Variants in NDST4 observed in about 807,000 individuals in gnomAD.
NDST4 encodes N-deacetylase and N-sulfotransferase 4.
Under a neutral mutation model 100.8 loss-of-function variants are expected in NDST4, and 63 were observed. The ratio of observed to expected loss-of-function variants is 0.62; its 90% CI spans 0.51 to 0.77. The LOEUF (loss-of-function observed/expected upper bound fraction) is 0.77. Ranked by LOEUF, NDST4 falls within the 30% of genes least tolerant of loss-of-function variation. NDST4 has a pLI of 0.00. For missense variants in NDST4, 943 were observed against 1,018.4 expected (o/e 0.93, Z 1.01); for synonymous variants, 377 against 361.8 (o/e 1.04, Z -0.48).
At chr4:114,889,864 G>C (rs991131447) in intron 6 of NDST4, among the ~76,000 whole-genome samples, 1 of 152,052 alleles carries the variant, frequency 6.6e-6, no homozygotes, top group Admixed American at 6.6e-5. Flanking sequence ...GTAAACTGGG[G>C]AAAATGATAC....
At chr4:114,872,545 CAA>C (rs1258200332) in intron 6 of NDST4, among the ~76,000 whole-genome samples, 4 of 151,848 alleles carry the variant, frequency 2.6e-5, no homozygotes, top group Non-Finnish European at 4.4e-5. Flanking sequence ...TTAAAATGAT[CAA>C]AGTCACACCT....
At chr4:114,830,137 T>A (rs1474485572) in intron 12 of NDST4, among the ~76,000 whole-genome samples, 1 of 152,186 alleles carries the variant, frequency 6.6e-6, no homozygotes, top group Non-Finnish European at 1.5e-5. Flanking sequence ...TACTTTTACA[T>A]GAACATTTTT....
At chr4:115,092,704 A>G (rs926066846) in intron 1 of NDST4, among the ~76,000 whole-genome samples, 3 of 152,154 alleles carry the variant, frequency 2.0e-5, no homozygotes, top group Admixed American at 6.6e-5. Context: ...TGAAACCAAT[A>G]AAGAATATAC....
At chr4:114,897,324 A>G (rs1724737039) in intron 6 of NDST4, among the ~76,000 whole-genome samples, 1 of 152,190 alleles carries the variant, frequency 6.6e-6, no homozygotes, top group Non-Finnish European at 1.5e-5. Flanking sequence ...ATATAGTTGA[A>G]AATCATACAG....
chr4:115,033,913 T>G (rs1322976283), intron 2 of NDST4, among the ~76,000 whole-genome samples: 1 of 152,162 alleles, frequency 6.6e-6, no homozygotes, highest in Non-Finnish European at 1.5e-5. Context: ...TTTAAACAAC[T>G]TAAAGACTCA....
intron 2 of NDST4, among the ~76,000 whole-genome samples, chr4:115,022,562 A>T (rs1004614185): frequency 2.9e-4 from 44 of 149,570 alleles, no homozygotes; most frequent in African/African-American, 1.1e-3. Flanking sequence ...TGAATGAATT[A>T]ATGGCATTCG....
At chr4:114,943,742 G>A (rs1024421900) in intron 4 of NDST4, among the ~76,000 whole-genome samples, 1 of 152,126 alleles carries the variant, frequency 6.6e-6, no homozygotes, top group African/African-American at 2.4e-5. Context: ...GCTTTGCCAA[G>A]TATTAGTTGT....
At chr4:115,082,621 C>T (rs992771586) in intron 1 of NDST4, among the ~76,000 whole-genome samples, 3 of 152,122 alleles carry the variant, frequency 2.0e-5, no homozygotes, top group African/African-American at 7.2e-5. Flanking sequence ...TAATAAATGG[C>T]TACTGCTTGC....
At chr4:114,991,708 G>T (rs761678229) in intron 2 of NDST4, among the ~76,000 whole-genome samples, 3 of 151,898 alleles carry the variant, frequency 2.0e-5, no homozygotes, top group Non-Finnish European at 1.5e-5. Context: ...TAATACAAAT[G>T]AAATTAACAG....
intron 2 of NDST4, among the ~76,000 whole-genome samples, chr4:114,995,101 G>T (rs193098801): frequency 6.6e-6 from 1 of 152,136 alleles, no homozygotes; most frequent in Admixed American, 6.6e-5. Flanking sequence ...TCCCCAAGAA[G>T]CATTTAAGTT....
chr4:115,066,844 C>A (rs1208325783), intron 2 of NDST4, among the ~76,000 whole-genome samples: 1 of 152,170 alleles, frequency 6.6e-6, no homozygotes, highest in Non-Finnish European at 1.5e-5. Flanking sequence ...TGGCTCCTCT[C>A]TCCTGCACAG....
chr4:115,091,692 A>T (rs1729523784), intron 1 of NDST4, among the ~76,000 whole-genome samples: 1 of 152,124 alleles, frequency 6.6e-6, no homozygotes, highest in South Asian at 2.1e-4. Flanking sequence ...GTTCATATGC[A>T]GTTGTTTTGT....
At chr4:114,850,768 C>T (rs550073742) in intron 8 of NDST4, among the ~76,000 whole-genome samples, 1 of 152,126 alleles carries the variant, frequency 6.6e-6, no homozygotes, top group Non-Finnish European at 1.5e-5. Flanking sequence ...GAGTTATGCT[C>T]TTATAATTGT....
intron 2 of NDST4, among the ~76,000 whole-genome samples, chr4:115,031,583 TTCTC>T (rs1394320831): frequency 6.6e-6 from 1 of 152,054 alleles, no homozygotes; most frequent in Non-Finnish European, 1.5e-5. Context: ...TAAGAAATCT[TTCTC>T]TACCCACACT....
intron 1 of NDST4, among the ~76,000 whole-genome samples, chr4:115,100,051 A>T (rs933525275): frequency 1.3e-5 from 2 of 152,126 alleles, no homozygotes; most frequent in African/African-American, 4.8e-5. Flanking sequence ...AAGTGAAATA[A>T]TCTAATCAGA....
rs1262003787 is a variant in NDST4, at chr4:115,076,353, T to C, written c.684A>G (p.Ser228=). 6.2e-7 allele frequency: 1 copy of C among 1,613,898 alleles called. No individual in the cohort carries two copies. Among genetic ancestry groups the C allele is most frequent in the Non-Finnish European group, 8.5e-7 (1 of 1,179,954 alleles). Residue 228 remains serine (S), a synonymous_variant, in exon 2 of 14, where the codon TCA becomes TCG. Coordinates refer to ENST00000264363, the MANE Select transcript of NDST4 (RefSeq NM_022569.3). ...EDWTIFQYNH[S]TYQPVLLTEL... Reference sequence around the variant, plus strand: ...CAGTTAAAAGTACAGGCTGGTAGGTTGAATGATTATATTGGAAAATAGTCC... The same window carrying C: ...CAGTTAAAAGTACAGGCTGGTAGGTCGAATGATTATATTGGAAAATAGTCC...
intron 2 of NDST4, among the ~76,000 whole-genome samples, chr4:115,013,182 T>C (rs890433246): frequency 1.3e-5 from 2 of 151,164 alleles, no homozygotes; most frequent in Non-Finnish European, 3.0e-5. Flanking sequence ...CAATAATTTA[T>C]TGTACATTTT....
intron 1 of NDST4, among the ~76,000 whole-genome samples, chr4:115,103,881 T>C (rs1729786504): frequency 6.6e-6 from 1 of 152,140 alleles, no homozygotes; most frequent in Admixed American, 6.6e-5. Context: ...AGAAGAGATC[T>C]GGAGTGATTT....
intron 4 of NDST4, among the ~76,000 whole-genome samples, chr4:114,958,645 C>A (rs558559220): frequency 6.6e-6 from 1 of 152,256 alleles, no homozygotes; most frequent in Non-Finnish European, 1.5e-5. Flanking sequence ...TCCAGGAATC[C>A]ATTTTTCCCT....
Sources: allele counts gnomAD v4.1 joint callset (sites outside exome capture counted in the v4.1 genomes callset), GRCh38; gene constraint gnomAD v4.1.1; transcripts MANE v1.5; gene names NCBI Gene and HGNC (gene_info 2026-07-23, HGNC 2026-07-21).